Variants in LHFPL6 observed in about 807,000 individuals in gnomAD.
LHFPL6 encodes the protein LHFPL tetraspan subfamily member 6.
In LHFPL6, 9 loss-of-function variants were observed where a neutral mutation model predicts 20.6. The observed-to-expected ratio is 0.44, with a 90% CI of 0.26 to 0.76. LHFPL6 has a LOEUF of 0.76. LHFPL6 is among the 30% of genes least tolerant of loss of function. LHFPL6 has a pLI of 0.20. For synonymous variants in LHFPL6, 105 were observed against 98.7 expected, an observed-to-expected ratio of 1.06 and a Z score of -0.38; for missense variants, 218 against 253.5, an observed-to-expected ratio of 0.86 and a Z score of 0.95.
At chr13:39,470,187 C>G (rs1872907526) in intron 2 of LHFPL6, among the ~76,000 whole-genome samples, 1 of 152,142 alleles carries the variant, frequency 6.6e-6, no homozygotes, top group South Asian at 2.1e-4. Flanking sequence ...ACTAAATGGT[C>G]AAGAGGAACT....
intron 2 of LHFPL6, among the ~76,000 whole-genome samples, chr13:39,574,898 C>T (rs61956469): frequency 0.14 from 20,979 of 151,994 alleles, 1,570 homozygotes; most frequent in Admixed American, 0.2. Context: ...ATGGTGAAAC[C>T]CTGTCTCTAC....
intron 2 of LHFPL6, among the ~76,000 whole-genome samples, chr13:39,569,926 C>A (rs918385299): frequency 6.6e-6 from 1 of 152,122 alleles, no homozygotes; most frequent in African/African-American, 2.4e-5. Flanking sequence ...AGCACCTGTT[C>A]AAGCACATGG....
intron 2 of LHFPL6, among the ~76,000 whole-genome samples, chr13:39,597,152 G>C (rs1016792216): frequency 6.6e-6 from 1 of 152,162 alleles, no homozygotes; most frequent in Non-Finnish European, 1.5e-5. Context: ...CATTCCACAC[G>C]CATTTCATAT....
In LHFPL6 at chr13:39,579,865, G is replaced by A. The variant is rs117299645; in HGVS notation, c.385+20967C>T. ...CAATGGCATCTTTCTGAGGAAAAGA[G>A]TCTACTGACCAAAGCAATGAATTTA... is the stretch of plus-strand genomic sequence containing the variant. On this transcript the variant is annotated intron_variant, in intron 2 of 3. Transcript: ENST00000379589. 3.9e-4 allele frequency among the ~76,000 whole-genome samples: 59 copies of A among 152,286 alleles called. No homozygotes were observed. The East Asian group carries it at 0.011, about 29-fold the overall frequency.
chr13:39,498,106 A>C (rs1324782310), intron 2 of LHFPL6, among the ~76,000 whole-genome samples: 1 of 152,188 alleles, frequency 6.6e-6, no homozygotes, highest in Non-Finnish European at 1.5e-5. Flanking sequence ...ACCATATGGC[A>C]CATTTAACAT....
intron 2 of LHFPL6, among the ~76,000 whole-genome samples, chr13:39,474,846 G>A (rs954031459): frequency 6.6e-6 from 1 of 152,032 alleles, no homozygotes; most frequent in African/African-American, 2.4e-5. Context: ...AGGAAGGGGA[G>A]GAGAGAGGAG....
chr13:39,591,309 G>T (rs1872584521), intron 2 of LHFPL6, among the ~76,000 whole-genome samples: 1 of 152,176 alleles, frequency 6.6e-6, no homozygotes, highest in South Asian at 2.1e-4. Context: ...TGATGGTGGG[G>T]TTTGCAATTT....
intron 2 of LHFPL6, among the ~76,000 whole-genome samples, chr13:39,482,725 G>A (rs1352661036): frequency 1.3e-5 from 2 of 152,156 alleles, no homozygotes; most frequent in South Asian, 2.1e-4. Context: ...TACCACTGGA[G>A]GAAGAGAGTA....
At chr13:39,561,442 G>A (rs1871480776) in intron 2 of LHFPL6, among the ~76,000 whole-genome samples, 1 of 152,090 alleles carries the variant, frequency 6.6e-6, no homozygotes, top group Admixed American at 6.5e-5. Context: ...TCTGAGTTTT[G>A]GGAAGAGAGA....
At chr13:39,439,597 A>G (rs1385516004) in intron 2 of LHFPL6, among the ~76,000 whole-genome samples, 1 of 152,198 alleles carries the variant, frequency 6.6e-6, no homozygotes, top group African/African-American at 2.4e-5. Flanking sequence ...GCCAAATTAT[A>G]AATCTCAATG....
chr13:39,552,131 C>T (rs1428426339), intron 2 of LHFPL6, among the ~76,000 whole-genome samples: 1 of 152,196 alleles, frequency 6.6e-6, no homozygotes, highest in Non-Finnish European at 1.5e-5. Context: ...GCATTCCCTT[C>T]ATGGATCAGA....
chr13:39,367,166 G>T (rs907108540), intron 3 of LHFPL6, among the ~76,000 whole-genome samples: 2 of 152,146 alleles, frequency 1.3e-5, no homozygotes, highest in African/African-American at 4.8e-5. Flanking sequence ...ACTGGTGCAT[G>T]GCATGGATAT....
At chr13:39,346,599 C>T (rs1869406215) in intron 3 of LHFPL6, among the ~76,000 whole-genome samples, 1 of 152,156 alleles carries the variant, frequency 6.6e-6, no homozygotes, top group South Asian at 2.1e-4. Context: ...TATATCTATC[C>T]TGTGTCCTGC....
At chr13:39,517,903 T>C (rs1869977772) in intron 2 of LHFPL6, among the ~76,000 whole-genome samples, 1 of 152,124 alleles carries the variant, frequency 6.6e-6, no homozygotes, top group South Asian at 2.1e-4. Context: ...GTGGAGATCA[T>C]TTCCACAACT....
In LHFPL6 at chr13:39,377,657, G is replaced by C. The variant is rs374402516; in HGVS notation, c.484+771C>G. Among the ~76,000 whole-genome samples the C allele has an allele frequency of 3.4e-4, 52 of 152,306 alleles. 1 individual carries two copies. The South Asian group carries it at 0.011, about 32-fold the overall frequency. On this transcript the variant is annotated intron_variant, in intron 3 of 3. Coordinates refer to ENST00000379589, the MANE Select transcript of LHFPL6 (RefSeq NM_005780.3). ...AAATTAAAATGACGCAAACCATGGAGTATTCTGCAAAATATTTTATAGATC... is the reference window on the plus strand; with the variant it reads ...AAATTAAAATGACGCAAACCATGGACTATTCTGCAAAATATTTTATAGATC...
intron 2 of LHFPL6, among the ~76,000 whole-genome samples, chr13:39,592,923 C>A (rs928348766): frequency 1.3e-5 from 2 of 152,174 alleles, no homozygotes; most frequent in Non-Finnish European, 2.9e-5. Flanking sequence ...AATTCAACAA[C>A]CCTTCATGCT....
At chr13:39,514,710 G>A (rs547058749) in intron 2 of LHFPL6, among the ~76,000 whole-genome samples, 41 of 152,316 alleles carry the variant, frequency 2.7e-4, no homozygotes, top group African/African-American at 7.9e-4. Flanking sequence ...ACAGGAACAG[G>A]GAAAGGGAAG....
chr13:39,483,988 T>C (rs1212062035), intron 2 of LHFPL6, among the ~76,000 whole-genome samples: 1 of 152,226 alleles, frequency 6.6e-6, no homozygotes, highest in African/African-American at 2.4e-5. Context: ...TTTTTCTTAA[T>C]TTAAAAAGAT....
intron 3 of LHFPL6, among the ~76,000 whole-genome samples, chr13:39,351,691 T>C (rs988032682): frequency 6.6e-6 from 1 of 152,158 alleles, no homozygotes; most frequent in Non-Finnish European, 1.5e-5. Flanking sequence ...GCAGACAAGA[T>C]TGAAAACCTA....
Sources: allele counts gnomAD v4.1 joint callset (sites outside exome capture counted in the v4.1 genomes callset), GRCh38; gene constraint gnomAD v4.1.1; transcripts MANE v1.5; gene names NCBI Gene and HGNC (gene_info 2026-07-23, HGNC 2026-07-21).